CD36: variants seen among roughly 807,000 people sequenced by gnomAD.
The protein encoded by CD36 is platelet glycoprotein 4.
In CD36, 119 loss-of-function variants were observed where a neutral mutation model predicts 55.2. The observed-to-expected ratio is 2.15, with a 90% CI of 1.86 to 2.51. The LOEUF (loss-of-function observed/expected upper bound fraction) is 2.51, where lower values mean the gene tolerates loss of function less well. Ranked by LOEUF, CD36 falls within the 30% of genes most tolerant of loss-of-function variation. CD36 has a pLI of 0.00. For synonymous variants in CD36, 186 were observed against 193.6 expected, an observed-to-expected ratio of 0.96 and a Z score of 0.33; for missense variants, 819 against 555.5, an observed-to-expected ratio of 1.47 and a Z score of -4.77.
At chr7:80,663,562 G>A (rs1483336043) in intron 6 of CD36, among the ~76,000 whole-genome samples, 1 of 151,452 alleles carries the variant, frequency 6.6e-6, no homozygotes, top group African/African-American at 2.4e-5. Flanking sequence ...TCCTTTTCTA[G>A]ACCTCTTACA....
intron 3 of CD36, among the ~76,000 whole-genome samples, chr7:80,656,238 A>G (rs1196934045): frequency 1.3e-5 from 2 of 152,164 alleles, no homozygotes; most frequent in African/African-American, 4.8e-5. Flanking sequence ...CTGTTGCAAT[A>G]TTTTCAAAGC....
intron 3 of CD36, among the ~76,000 whole-genome samples, chr7:80,650,434 A>G (rs962365162): frequency 1.3e-5 from 2 of 152,020 alleles, no homozygotes; most frequent in African/African-American, 2.4e-5. Context: ...AGTAGGAGTC[A>G]AATATTTGAA....
At chr7:80,674,280 T>C (rs1486172078) in intron 14 of CD36, 133 bp downstream of exon 14, 1 of 647,162 alleles carries the variant, frequency 1.5e-6, no homozygotes, top group Non-Finnish European at 2.7e-6. Flanking sequence ...CATTTTTAAA[T>C]ATAGGTAAAT....
upstream of CD36, among the ~76,000 whole-genome samples, chr7:80,636,132 C>T (rs765063374): frequency 2.6e-5 from 4 of 152,032 alleles, no homozygotes; most frequent in South Asian, 4.1e-4. Flanking sequence ...AGAATTTCTT[C>T]GATGGTGATA....
chr7:80,637,965 A>G (rs1418868870), upstream of CD36, among the ~76,000 whole-genome samples: 1 of 151,688 alleles, frequency 6.6e-6, no homozygotes, highest in Non-Finnish European at 1.5e-5. Context: ...TAGTAATTCT[A>G]CTTAGACATA....
At chr7:80,641,831 T>C (rs1262010492) in intron 1 of CD36, among the ~76,000 whole-genome samples, 1 of 151,994 alleles carries the variant, frequency 6.6e-6, no homozygotes, top group Non-Finnish European at 1.5e-5. Flanking sequence ...TATATCTCAG[T>C]CTAATGCAGG....
intron 1 of CD36, among the ~76,000 whole-genome samples, chr7:80,603,662 G>C (rs1373645205): frequency 6.6e-6 from 1 of 151,198 alleles, no homozygotes; most frequent in Admixed American, 6.6e-5. Context: ...AATGATAACT[G>C]TGTAATTAAC....
Position 80,656,531 on chromosome 7 carries a change from T to C in CD36, c.121-9T>C. 1 of 1,613,120 alleles carries C rather than the reference T, an allele frequency of 6.2e-7. No homozygotes were observed. The highest frequency in any genetic ancestry group is 8.5e-7 in the Non-Finnish European group (1 of 1,179,440). On this transcript the variant is annotated splice_polypyrimidine_tract_variant and intron_variant, in intron 3 of 14. Transcript: ENST00000447544. ...AAGACATAACCCAAACTTATTTTCT[T>C]TTTCATAGCAAGTTGTCCTCGAAGA...
At chr7:80,641,065 A>G (rs1794778200) in intron 1 of CD36, among the ~76,000 whole-genome samples, 1 of 152,046 alleles carries the variant, frequency 6.6e-6, no homozygotes, top group African/African-American at 2.4e-5. Flanking sequence ...CTCAGAGCCC[A>G]AGTGAAGCGT....
intron 1 of CD36, among the ~76,000 whole-genome samples, chr7:80,621,180 T>C (rs988053622): frequency 6.6e-6 from 1 of 152,124 alleles, no homozygotes; most frequent in East Asian, 1.9e-4. Flanking sequence ...TATTTTAAAG[T>C]ATGTACATTT....
chr7:80,625,492 A>G (rs1793693133), intron 1 of CD36, among the ~76,000 whole-genome samples: 1 of 152,182 alleles, frequency 6.6e-6, no homozygotes, highest in Non-Finnish European at 1.5e-5. Flanking sequence ...AGGTGTTTAT[A>G]GATATGAAAT....
chr7:80,612,501 A>G lies in CD36; in HGVS notation c.-184+10122A>G, dbSNP rs567024717. On this transcript the variant is annotated intron_variant, in intron 1 of 13. Transcript: ENST00000309881. Reference sequence around the variant, plus strand: ...TAAGGGGTCTTTCTACTTACTATGTAGATGAACAGCATGCTAATCAGATTG... The same window carrying G: ...TAAGGGGTCTTTCTACTTACTATGTGGATGAACAGCATGCTAATCAGATTG... Among the ~76,000 whole-genome samples, 18 of 152,326 alleles carry G rather than the reference A, an allele frequency of 1.2e-4. No homozygotes were observed. In the South Asian group the frequency reaches 2.5e-3, roughly 21 times the overall value.
intron 1 of CD36, among the ~76,000 whole-genome samples, chr7:80,606,236 T>C (rs981619288): frequency 6.6e-6 from 1 of 152,204 alleles, no homozygotes; most frequent in East Asian, 1.9e-4. Flanking sequence ...TCCAAATTGA[T>C]GTAGAGCTCT....
Position 80,678,520 on chromosome 7 carries a change from A to C in CD36, c.*2137A>C, listed in dbSNP as rs1798230421. On this transcript the variant is annotated 3_prime_UTR_variant, in exon 15 of 15. Coordinates refer to ENST00000447544, the MANE Select transcript of CD36 (RefSeq NM_001001548.3). ...GAAGGAGGGTATCATTTCAAGAAAAAAAATAGCTATCACGCAATGGTTATC... is the reference window on the plus strand; with the variant it reads ...GAAGGAGGGTATCATTTCAAGAAAACAAATAGCTATCACGCAATGGTTATC... The C allele has an allele frequency of 6.6e-6, 1 of 152,148 alleles. No individual in the cohort carries two copies. Among genetic ancestry groups the C allele is most frequent in the Non-Finnish European group, 1.5e-5 (1 of 68,030 alleles). 9.4% of individuals were successfully genotyped at this position (152,148 alleles called of 1,614,324 possible).
At chr7:80,671,799 C>T in intron 10 of CD36, 123 bp from the exon 11 acceptor site, 1 of 794,816 alleles carries the variant, frequency 1.3e-6, no homozygotes, top group Non-Finnish European at 2.1e-6. Flanking sequence ...TTCTTCCCCA[C>T]CCATGTTAAA....
Position 80,674,131 on chromosome 7 carries a change from C to T in CD36, c.1403C>T (p.Ser468Leu), listed in dbSNP as rs766072001. The T allele has an allele frequency of 1.9e-5, 31 of 1,610,222 alleles. No homozygotes were observed. Among genetic ancestry groups the T allele is most frequent in the South Asian group, 4.4e-5 (4 of 90,932 alleles). The change falls in exon 14 of 15, where the codon TCG becomes TTG. Residue 468 changes from serine (S) to leucine (L), a missense_variant. Transcript: ENST00000447544. ...AFMISYCACR[S>L]KTIK ...ATGATTTCATATTGTGCATGCAGAT[C>T]GAAAACAATAAAATAAGTAAGTATG...
Position 80,667,429 on chromosome 7 carries a change from C to CAAAA in CD36, c.748+959_748+962dup, listed in dbSNP as rs564416939. Among the ~76,000 whole-genome samples the CAAAA allele has an allele frequency of 1.1e-4, 9 of 82,368 alleles. 1 individual carries two copies. Among genetic ancestry groups the CAAAA allele is most frequent in the East Asian group, 3.6e-4 (1 of 2,756 alleles). 54.0% of individuals were successfully genotyped at this position (82,368 alleles called of 152,430 possible). On this transcript the variant is annotated intron_variant, in intron 8 of 14. Coordinates refer to ENST00000447544, the MANE Select transcript of CD36 (RefSeq NM_001001548.3). ...TGGGCAATAGTGTGAGACCCTGTCTCAAAAAAAAAAAAAAAAAAAAAAGTG... is the reference window on the plus strand; with the variant it reads ...TGGGCAATAGTGTGAGACCCTGTCTCAAAAAAAAAAAAAAAAAAAAAAAAAAGTG...
chr7:80,637,121 T>C (rs1487972603), upstream of CD36: 1 of 152,150 alleles, frequency 6.6e-6, no homozygotes, highest in Non-Finnish European at 1.5e-5. Flanking sequence ...TAAAATATGC[T>C]CTTTTAAACA....
At chr7:80,624,285 C>T (rs1034703793) in intron 1 of CD36, 3 of 152,166 alleles carry the variant, frequency 2.0e-5, no homozygotes, top group Admixed American at 2.0e-4. Context: ...CTACTTTGAT[C>T]TGACTTTTGC....
Sources: gnomAD v4.1 joint callset for allele counts (sites outside exome capture counted in the v4.1 genomes callset) on GRCh38, gnomAD v4.1.1 for gene constraint, MANE v1.5 for transcripts, NCBI Gene and HGNC (gene_info 2026-07-23, HGNC 2026-07-21) for gene names.